The following CTNNA3 variants were observed in gnomAD, a reference collection of about 807,000 sequenced individuals.
CTNNA3 encodes catenin alpha 3.
Under a neutral mutation model 95.7 loss-of-function variants are expected in CTNNA3, and 76 were observed. The observed-to-expected ratio is 0.79, with a 90% CI of 0.66 to 0.96. CTNNA3 has a LOEUF of 0.96. Among genes scored for constraint, CTNNA3 ranks in the 40% least tolerant of loss-of-function variants. CTNNA3 has a pLI of 0.00. For synonymous variants in CTNNA3, 431 were observed against 374.4 expected, an observed-to-expected ratio of 1.15 and a Z score of -1.74; for missense variants, 1,191 against 1,089.8, an observed-to-expected ratio of 1.09 and a Z score of -1.31.
intron 15 of CTNNA3, among the ~76,000 whole-genome samples, chr10:66,038,533 A>G (rs1207001632): frequency 2.0e-5 from 3 of 152,254 alleles, no homozygotes; most frequent in Non-Finnish European, 4.4e-5. Flanking sequence ...TATACATTTG[A>G]GCAATGGCTT....
At chr10:66,203,365 A>G (rs946557046) in intron 13 of CTNNA3, among the ~76,000 whole-genome samples, 2 of 152,310 alleles carry the variant, frequency 1.3e-5, no homozygotes, top group Admixed American at 1.3e-4. Flanking sequence ...AAATGCGGCT[A>G]TGCTTCAAAG....
rs375506184 is a variant in CTNNA3, at chr10:66,621,682, G to A, written c.1374+10C>T. On this transcript the variant is annotated intron_variant, in intron 10 of 17. Transcript: ENST00000433211. ...AATTTTACACACAAAAAGTAACTTA[G>A]TTGTCATACCTGTGGACACAAGGTT... 53 of 1,516,140 alleles carry A rather than the reference G, an allele frequency of 3.5e-5. 1 individual carries two copies. Among genetic ancestry groups the A allele is most frequent in the African/African-American group, 3.2e-4 (23 of 71,724 alleles). 93.9% of individuals were successfully genotyped at this position (1,516,140 alleles called of 1,614,324 possible). A position where few individuals can be genotyped will look rare whatever the true frequency, so the allele number is the denominator to read the frequency against.
chr10:67,053,044 T>C (rs748603605), intron 7 of CTNNA3, among the ~76,000 whole-genome samples: 81 of 152,290 alleles, frequency 5.3e-4, no homozygotes, highest in Middle Eastern at 6.8e-3. Flanking sequence ...ATTTAGTCTA[T>C]AACACATACA....
intron 5 of CTNNA3, among the ~76,000 whole-genome samples, chr10:67,258,572 T>G (rs534551536): frequency 2.6e-5 from 4 of 152,304 alleles, no homozygotes; most frequent in African/African-American, 7.2e-5. Flanking sequence ...CTTTGAAAAT[T>G]TTATTTTATT....
chr10:67,730,371 C>T (rs1233858191), intron 1 of CTNNA3, among the ~76,000 whole-genome samples: 1 of 151,892 alleles, frequency 6.6e-6, no homozygotes, highest in Non-Finnish European at 1.5e-5. Context: ...GTTAACCCTA[C>T]CATTTTTTTA....
At chr10:67,213,680 T>A (rs773648854) in intron 6 of CTNNA3, among the ~76,000 whole-genome samples, 1 of 151,822 alleles carries the variant, frequency 6.6e-6, no homozygotes, top group South Asian at 2.1e-4. Context: ...TTACTTTCAA[T>A]TATAATTTAT....
At chr10:67,472,488 C>T (rs1025204728) in intron 5 of CTNNA3, among the ~76,000 whole-genome samples, 2 of 152,130 alleles carry the variant, frequency 1.3e-5, no homozygotes, top group Non-Finnish European at 2.9e-5. Flanking sequence ...AATTATAATG[C>T]ATTAGCATGC....
intron 5 of CTNNA3, among the ~76,000 whole-genome samples, chr10:67,230,966 C>G (rs74492081): frequency 2.0e-5 from 3 of 152,146 alleles, no homozygotes; most frequent in East Asian, 1.9e-4. Context: ...GCTTTTCCGA[C>G]GGGCTTAAAA....
At chr10:67,585,928 T>C (rs575712211) in intron 3 of CTNNA3, among the ~76,000 whole-genome samples, 1 of 152,280 alleles carries the variant, frequency 6.6e-6, no homozygotes, top group Non-Finnish European at 1.5e-5. Context: ...TATAAATTTG[T>C]AATACTTCTA....
At chr10:67,703,657 A>C (rs994806470) in intron 1 of CTNNA3, among the ~76,000 whole-genome samples, 1 of 152,226 alleles carries the variant, frequency 6.6e-6, no homozygotes, top group Non-Finnish European at 1.5e-5. Flanking sequence ...TGACAGACCC[A>C]CAGCCAATAT....
At chr10:67,257,895 A>G (rs944082783) in intron 5 of CTNNA3, among the ~76,000 whole-genome samples, 1 of 152,206 alleles carries the variant, frequency 6.6e-6, no homozygotes, top group African/African-American at 2.4e-5. Flanking sequence ...GAAGCTGAAA[A>G]GCAATAGCTG....
At chr10:66,652,269 A>C (rs1299564335) in intron 9 of CTNNA3, among the ~76,000 whole-genome samples, 1 of 152,100 alleles carries the variant, frequency 6.6e-6, no homozygotes, top group African/African-American at 2.4e-5. Flanking sequence ...TAGACTAATA[A>C]AAAAGAGAAA....
intron 13 of CTNNA3, among the ~76,000 whole-genome samples, chr10:66,137,142 A>G (rs1397556209): frequency 6.6e-6 from 1 of 152,116 alleles, no homozygotes; most frequent in East Asian, 1.9e-4. Flanking sequence ...AATAATGACC[A>G]TGTTTAACAA....
chr10:66,123,839 G>A (rs1376059478), intron 13 of CTNNA3, among the ~76,000 whole-genome samples: 1 of 152,188 alleles, frequency 6.6e-6, no homozygotes, highest in Non-Finnish European at 1.5e-5. Context: ...GGCTGGAGCA[G>A]CTGGGAGGCA....
chr10:67,639,949 G>A (rs1229773256), intron 2 of CTNNA3, among the ~76,000 whole-genome samples: 1 of 152,196 alleles, frequency 6.6e-6, no homozygotes, highest in Non-Finnish European at 1.5e-5. Flanking sequence ...ACTGGCACAA[G>A]TCAGGGATGC....
chr10:67,416,665 A>C (rs545191868), intron 5 of CTNNA3, among the ~76,000 whole-genome samples: 1 of 151,876 alleles, frequency 6.6e-6, no homozygotes, highest in African/African-American at 2.4e-5. Context: ...GACACTTCTC[A>C]AAAGAAGATA....
chr10:65,969,827 T>C (rs2078057766), intron 16 of CTNNA3, among the ~76,000 whole-genome samples: 1 of 152,048 alleles, frequency 6.6e-6, no homozygotes, highest in Non-Finnish European at 1.5e-5. Flanking sequence ...GAGAAAAAGA[T>C]AACAACCTAG....
At chr10:67,126,782 G>A (rs544389728) in intron 7 of CTNNA3, among the ~76,000 whole-genome samples, 3 of 152,260 alleles carry the variant, frequency 2.0e-5, no homozygotes, top group South Asian at 2.1e-4. Flanking sequence ...AAATGTAACC[G>A]TTGTACCAAA....
intron 13 of CTNNA3, among the ~76,000 whole-genome samples, chr10:66,204,686 T>C (rs2087647684): frequency 6.6e-6 from 1 of 152,174 alleles, no homozygotes; most frequent in African/African-American, 2.4e-5. Context: ...TTCATACTTC[T>C]ATTATAGCAC....
Sources: allele counts gnomAD v4.1 joint callset (sites outside exome capture counted in the v4.1 genomes callset), GRCh38; gene constraint gnomAD v4.1.1; transcripts MANE v1.5; gene names NCBI Gene and HGNC (gene_info 2026-07-23, HGNC 2026-07-21).